MAP4K4: variants seen among roughly 807,000 people sequenced by gnomAD.
MAP4K4 encodes HPK/GCK-like kinase HGK.
MAP4K4 carries 38 observed loss-of-function variants against 189.6 expected under a neutral mutation model. That is an observed-to-expected ratio of 0.20 (90% CI 0.15 to 0.26). The LOEUF (loss-of-function observed/expected upper bound fraction) is 0.26, where lower values mean the gene tolerates loss of function less well. Ranked by LOEUF, MAP4K4 falls within the 10% of genes least tolerant of loss-of-function variation. The pLI, the probability that MAP4K4 is intolerant of heterozygous loss-of-function variation, is 1.00. For synonymous variants in MAP4K4, 610 were observed against 624.3 expected (o/e 0.98, Z 0.34); for missense variants, 1,054 against 1,726.9 (o/e 0.61, Z 6.91).
chr2:101,891,087 A>T, intron 32 of MAP4K4, 79 bp from the exon 33 acceptor site: 2 of 1,099,538 alleles, frequency 1.8e-6, no homozygotes, highest in East Asian at 2.4e-5. Flanking sequence ...AGTGTTGAGG[A>T]TGATGGTGGC....
intron 18 of MAP4K4, among the ~76,000 whole-genome samples, chr2:101,865,336 T>G (rs2097780795): frequency 6.6e-6 from 1 of 152,116 alleles, no homozygotes; most frequent in East Asian, 1.9e-4. Context: ...AGAATTGTGA[T>G]CGGGGGGAGC....
At chr2:101,832,111 C>T (rs934755520) in intron 7 of MAP4K4, among the ~76,000 whole-genome samples, 1 of 152,172 alleles carries the variant, frequency 6.6e-6, no homozygotes, top group African/African-American at 2.4e-5. Flanking sequence ...GTGCCTAGAA[C>T]TTTTTGTTCC....
intron 2 of MAP4K4, among the ~76,000 whole-genome samples, chr2:101,767,181 T>C (rs144307193): frequency 3.3e-5 from 5 of 152,298 alleles, no homozygotes; most frequent in African/African-American, 1.2e-4. Context: ...ATTTGTTGAC[T>C]ATGAAAAGGG....
intron 9 of MAP4K4, among the ~76,000 whole-genome samples, chr2:101,838,280 A>G (rs1050287830): frequency 3.3e-5 from 5 of 152,220 alleles, no homozygotes; most frequent in Non-Finnish European, 7.3e-5. Flanking sequence ...ACTCCCCAAA[A>G]TGATCTTTGT....
At chr2:101,847,789 T>G (rs1343309482) in intron 12 of MAP4K4, among the ~76,000 whole-genome samples, 2 of 152,246 alleles carry the variant, frequency 1.3e-5, no homozygotes, top group Non-Finnish European at 2.9e-5. Flanking sequence ...ACAGTGTTTA[T>G]GAAGTCTACA....
intron 32 of MAP4K4, among the ~76,000 whole-genome samples, 167 bp from the exon 33 acceptor site, chr2:101,890,997 TAC>T (rs2098557642): frequency 6.6e-6 from 1 of 152,158 alleles, no homozygotes; most frequent in Admixed American, 6.5e-5. Flanking sequence ...GTGCTGGGAT[TAC>T]AGGTGTGAGC....
At chr2:101,699,065 T>C (rs1300510984) in intron 2 of MAP4K4, among the ~76,000 whole-genome samples, 1 of 152,184 alleles carries the variant, frequency 6.6e-6, no homozygotes, top group Non-Finnish European at 1.5e-5. Context: ...GGATACGTAT[T>C]TTGGGGAAGC....
At chr2:101,876,630 T>C (rs998919374) in intron 26 of MAP4K4, among the ~76,000 whole-genome samples, 23 of 152,164 alleles carry the variant, frequency 1.5e-4, no homozygotes, top group African/African-American at 5.3e-4. Context: ...GAAGGTTTGT[T>C]CAAATGTGTG....
chr2:101,762,328 T>C (rs2076847574), intron 2 of MAP4K4, among the ~76,000 whole-genome samples: 1 of 152,202 alleles, frequency 6.6e-6, no homozygotes, highest in African/African-American at 2.4e-5. Flanking sequence ...TTCGCTGTGG[T>C]GACAAATCCA....
chr2:101,741,324 T>C (rs1026880531), intron 2 of MAP4K4, among the ~76,000 whole-genome samples: 7 of 151,864 alleles, frequency 4.6e-5, no homozygotes, highest in Non-Finnish European at 7.4e-5. Flanking sequence ...CCCGCCACCA[T>C]GCCTGGCTAA....
chr2:101,855,306 A>C (rs1007488322), intron 12 of MAP4K4, among the ~76,000 whole-genome samples: 4 of 152,212 alleles, frequency 2.6e-5, no homozygotes, highest in African/African-American at 4.8e-5. Flanking sequence ...ACTTTGGGCA[A>C]GTCACTTACC....
intron 2 of MAP4K4, among the ~76,000 whole-genome samples, chr2:101,711,242 CAT>C: frequency 6.6e-6 from 1 of 152,240 alleles, no homozygotes; most frequent in East Asian, 1.9e-4. Context: ...GTGATATTCA[CAT>C]AGTTTTTAAT....
chr2:101,698,136 G>A, exon 1 of MAP4K4: 2 of 1,234,580 alleles, frequency 1.6e-6, no homozygotes, highest in Non-Finnish European at 2.1e-6. Flanking sequence ...TCCTCCCTGC[G>A]GGTGAGTGGG....
intron 12 of MAP4K4, 100 bp downstream of exon 12, chr2:101,844,411 G>A: frequency 2.2e-6 from 2 of 926,726 alleles, no homozygotes; most frequent in Non-Finnish European, 3.3e-6. Flanking sequence ...GCTTCCTGGG[G>A]TAATACTTAT....
At chr2:101,729,101 A>AGTGTGTGTGTGTGTGTGTGTGTGT (rs57635166) in intron 2 of MAP4K4, among the ~76,000 whole-genome samples, 6 of 130,606 alleles carry the variant, frequency 4.6e-5, no homozygotes, top group Non-Finnish European at 1.6e-5. Context: ...AGAGAGAGAG[A>AGTGTGTGTGTGTGTGTGTGTGTGT]GTGTGTGTGT....
chr2:101,700,354 G>T (rs888880577), intron 2 of MAP4K4, among the ~76,000 whole-genome samples: 1 of 152,172 alleles, frequency 6.6e-6, no homozygotes, highest in Admixed American at 6.5e-5. Context: ...TTTGCTGAGC[G>T]CTAGCTACGT....
chr2:101,772,137 G>T (rs1433076810), intron 2 of MAP4K4, among the ~76,000 whole-genome samples: 1 of 152,184 alleles, frequency 6.6e-6, no homozygotes, highest in Non-Finnish European at 1.5e-5. Context: ...AAACATTTTT[G>T]TCCTTGGACT....
chr2:101,886,471 G>C (rs1300504839), intron 29 of MAP4K4, among the ~76,000 whole-genome samples: 1 of 152,192 alleles, frequency 6.6e-6, no homozygotes, highest in African/African-American at 2.4e-5. Context: ...TTGAATAGTT[G>C]AGTAGCATTT....
intron 2 of MAP4K4, among the ~76,000 whole-genome samples, chr2:101,700,516 A>T (rs1401888260): frequency 6.6e-6 from 1 of 152,254 alleles, no homozygotes; most frequent in East Asian, 1.9e-4. Flanking sequence ...GATTTTGCTC[A>T]TAAGCAGTTA....
Sources: allele counts gnomAD v4.1 joint callset (sites outside exome capture counted in the v4.1 genomes callset), GRCh38; gene constraint gnomAD v4.1.1; transcripts MANE v1.5; gene names NCBI Gene and HGNC (gene_info 2026-07-23, HGNC 2026-07-21).